The following MAML2 variants were observed in gnomAD, a reference collection of about 807,000 sequenced individuals.
The protein encoded by MAML2 is mastermind like transcriptional coactivator 2, also known as mastermind-like protein 2.
In MAML2, 22 loss-of-function variants were observed where a neutral mutation model predicts 96.1. The observed-to-expected ratio is 0.23, with a 90% CI of 0.16 to 0.33. The LOEUF is 0.33. Among genes scored for constraint, MAML2 ranks in the 10% least tolerant of loss-of-function variants. The pLI, the probability that MAML2 is intolerant of heterozygous loss-of-function variation, is 1.00. For missense variants in MAML2, 1,367 were observed against 1,392.4 expected, an observed-to-expected ratio of 0.98 and a Z score of 0.29; for synonymous variants, 561 against 521.3, an observed-to-expected ratio of 1.08 and a Z score of -1.04.
intron 1 of MAML2, among the ~76,000 whole-genome samples, chr11:96,193,667 C>T (rs1182839491): frequency 3.3e-5 from 5 of 152,014 alleles, no homozygotes; most frequent in East Asian, 3.9e-4. Flanking sequence ...AGTGCTCTCC[C>T]GTGTAACAAA....
At position 96,272,981 on chromosome 11, in the gene MAML2, T is replaced by A. The variant is rs574915515; in HGVS notation, c.513+68402A>T. ...AGTTGTAAGGCTGAGACTATTTCTA[T>A]TTTACTTTTTCATTCCATAAACATT... On this transcript the variant is annotated intron_variant, in intron 1 of 4. Coordinates refer to ENST00000524717, the MANE Select transcript of MAML2 (RefSeq NM_032427.4). Among the ~76,000 whole-genome samples the A allele has an allele frequency of 2.6e-5, 4 of 152,374 alleles. No individual in the cohort carries two copies. In the East Asian group the frequency reaches 7.7e-4, roughly 29 times the overall value.
At chr11:96,158,448 A>G (rs1010229152) in intron 1 of MAML2, among the ~76,000 whole-genome samples, 6 of 152,232 alleles carry the variant, frequency 3.9e-5, no homozygotes, top group African/African-American at 1.4e-4. Context: ...TTCAAAGGGC[A>G]GCTCATGAGG....
In MAML2 at chr11:96,273,324, G is replaced by A. The variant is rs141479506; in HGVS notation, c.513+68059C>T. ...GGAAAAAAAGTTTATCTCTTGAAAC[G>A]TATTTTTTTTTAAAGTTCAAATTAG... On this transcript the variant is annotated intron_variant, in intron 1 of 4. Coordinates refer to ENST00000524717, the MANE Select transcript of MAML2 (RefSeq NM_032427.4). 7.9e-5 allele frequency among the ~76,000 whole-genome samples: 12 copies of A among 152,184 alleles called. No individual in the cohort carries two copies. The East Asian group carries it at 2.3e-3, about 29-fold the overall frequency.
intron 1 of MAML2, among the ~76,000 whole-genome samples, chr11:96,191,711 G>A (rs888905125): frequency 6.8e-6 from 1 of 147,750 alleles, no homozygotes; most frequent in Non-Finnish European, 1.5e-5. Flanking sequence ...GGCGGAGCTT[G>A]CAGTGAGCCG....
intron 2 of MAML2, among the ~76,000 whole-genome samples, chr11:96,002,550 GA>G (rs1336695517): frequency 1.1e-5 from 1 of 88,948 alleles, no homozygotes; most frequent in African/African-American, 4.8e-5. Context: ...TGATGATGGG[GA>G]TGATGAAGAT....
intron 1 of MAML2, among the ~76,000 whole-genome samples, chr11:96,274,077 CTTTTTTTT>C (rs992096555): frequency 3.3e-5 from 3 of 91,794 alleles, no homozygotes; most frequent in African/African-American, 4.5e-5. Context: ...TTTCCTTTTC[CTTTTTTTT>C]TTTTTTTTTT....
intron 1 of MAML2, among the ~76,000 whole-genome samples, chr11:96,200,035 G>A (rs1346499160): frequency 6.6e-6 from 1 of 152,172 alleles, no homozygotes; most frequent in Non-Finnish European, 1.5e-5. Context: ...TAAGGAGGGG[G>A]AGGGTGGCCA....
At chr11:96,220,581 C>T (rs939091621) in intron 1 of MAML2, among the ~76,000 whole-genome samples, 2 of 152,118 alleles carry the variant, frequency 1.3e-5, no homozygotes, top group Non-Finnish European at 2.9e-5. Flanking sequence ...ATCTTCTTTG[C>T]AAGTTGTTAC....
intron 1 of MAML2, among the ~76,000 whole-genome samples, chr11:96,123,979 A>G (rs1455700335): frequency 6.6e-6 from 1 of 151,370 alleles, no homozygotes; most frequent in Non-Finnish European, 1.5e-5. Flanking sequence ...CTGTAGTAGG[A>G]GAGTCGCTTG....
At chr11:96,170,516 C>A (rs759501064) in intron 1 of MAML2, among the ~76,000 whole-genome samples, 1 of 152,164 alleles carries the variant, frequency 6.6e-6, no homozygotes, top group Non-Finnish European at 1.5e-5. Context: ...CTCAAAGAAC[C>A]TCGATTATTC....
Position 95,991,484 on chromosome 11 carries a change from C to T in MAML2, c.2343+36G>A, listed in dbSNP as rs749544175. On this transcript the variant is annotated intron_variant, in intron 3 of 4. Transcript: ENST00000524717. ...GAATAAACTCCCTCTGTTGGGTCAACAGGTTTGTTCAGTAGAAATTAAGAG... is the reference window on the plus strand; with the variant it reads ...GAATAAACTCCCTCTGTTGGGTCAATAGGTTTGTTCAGTAGAAATTAAGAG... 7 of 1,593,012 alleles carry T rather than the reference C, an allele frequency of 4.4e-6. No homozygotes were observed. The South Asian group carries it at 6.6e-5, about 15-fold the overall frequency.
intron 1 of MAML2, among the ~76,000 whole-genome samples, chr11:96,230,872 C>G (rs1042410330): frequency 6.6e-6 from 1 of 152,246 alleles, no homozygotes. Flanking sequence ...AAGAGATCAT[C>G]ACACTCACTT....
chr11:96,111,217 A>G (rs541115348), intron 1 of MAML2, among the ~76,000 whole-genome samples: 20 of 152,150 alleles, frequency 1.3e-4, no homozygotes, highest in Non-Finnish European at 2.6e-4. Flanking sequence ...TAAACTTTCA[A>G]TATCATTAAG....
At chr11:96,310,742 C>T (rs1169104151) in intron 1 of MAML2, among the ~76,000 whole-genome samples, 1 of 152,138 alleles carries the variant, frequency 6.6e-6, no homozygotes, top group Non-Finnish European at 1.5e-5. Context: ...CCTCTCTGAG[C>T]CTCAGTCTCC....
At chr11:96,254,181 C>G (rs1862628751) in intron 1 of MAML2, among the ~76,000 whole-genome samples, 1 of 152,156 alleles carries the variant, frequency 6.6e-6, no homozygotes, top group African/African-American at 2.4e-5. Flanking sequence ...GACTTTCACT[C>G]AATACAAAGT....
intron 2 of MAML2, among the ~76,000 whole-genome samples, chr11:96,049,978 C>G (rs574476344): frequency 4.6e-5 from 7 of 152,136 alleles, no homozygotes. Context: ...CCCATCCAAC[C>G]GTGTTGGAAT....
At chr11:96,033,906 A>G (rs1200216426) in intron 2 of MAML2, among the ~76,000 whole-genome samples, 1 of 152,172 alleles carries the variant, frequency 6.6e-6, no homozygotes, top group African/African-American at 2.4e-5. Flanking sequence ...CTTAGGCTTG[A>G]AACTCTTCCC....
intron 1 of MAML2, among the ~76,000 whole-genome samples, chr11:96,097,036 A>T (rs996108073): frequency 6.6e-6 from 1 of 152,144 alleles, no homozygotes; most frequent in Non-Finnish European, 1.5e-5. Flanking sequence ...GAATGCCTAC[A>T]TGCAGTAGGC....
intron 1 of MAML2, among the ~76,000 whole-genome samples, chr11:96,118,959 G>T (rs1860291093): frequency 6.6e-6 from 1 of 151,262 alleles, no homozygotes; most frequent in African/African-American, 2.4e-5. Flanking sequence ...CTTTTACTCT[G>T]AACCCTCTGT....
Sources: gnomAD v4.1 joint callset for allele counts (sites outside exome capture counted in the v4.1 genomes callset) on GRCh38, gnomAD v4.1.1 for gene constraint, MANE v1.5 for transcripts, NCBI Gene and HGNC (gene_info 2026-07-23, HGNC 2026-07-21) for gene names.